SASH1: variants seen among roughly 807,000 people sequenced by gnomAD.
The protein encoded by SASH1 is SAM and SH3 domain-containing protein 1.
SASH1 carries 44 observed loss-of-function variants against 125.2 expected under a neutral mutation model. The ratio of observed to expected loss-of-function variants is 0.35; its 90% CI spans 0.28 to 0.45. The LOEUF (loss-of-function observed/expected upper bound fraction) is 0.45, where lower values mean the gene tolerates loss of function less well. SASH1 is among the 20% of genes least tolerant of loss of function. SASH1 has a pLI of 1.00. For missense variants in SASH1, 1,426 were observed against 1,614.5 expected (o/e 0.88, Z 2.00); for synonymous variants, 639 against 649.1 (o/e 0.98, Z 0.24).
intron 7 of SASH1, among the ~76,000 whole-genome samples, chr6:148,483,590 G>A (rs182567412): frequency 8.3e-4 from 126 of 152,318 alleles, no homozygotes; most frequent in Admixed American, 5.9e-3. Flanking sequence ...TCCAAAGGGA[G>A]TGGGGAGCCC....
At chr6:148,354,033 C>T (rs1781835877) in intron 1 of SASH1, among the ~76,000 whole-genome samples, 1 of 151,994 alleles carries the variant, frequency 6.6e-6, no homozygotes, top group Non-Finnish European at 1.5e-5. Context: ...AGTAACCAGG[C>T]ATGGACCTGT....
rs76777647 is a variant in SASH1 at position 148,452,299 on chromosome 6, C to T, written c.386+11892C>T. 8.4e-3 allele frequency among the ~76,000 whole-genome samples: 1,279 copies of T among 152,310 alleles called. 18 individuals carry two copies. The highest frequency in any genetic ancestry group is 0.029 in the African/African-American group (1,220 of 41,562). On this transcript the variant is annotated intron_variant, in intron 4 of 19. Transcript: ENST00000367467. The stretch of plus-strand genomic sequence containing the variant: ...GGGCCAGGTCACTGGCCAGGAGGCT[C>T]GTCCATCTGTGACTTGTCCTCTTTG...
chr6:148,517,605 G>A (rs188182881), intron 9 of SASH1, among the ~76,000 whole-genome samples: 1 of 152,314 alleles, frequency 6.6e-6, no homozygotes, highest in Non-Finnish European at 1.5e-5. Flanking sequence ...CACTACAGGA[G>A]GCCTGCCCTC....
chr6:148,527,179 A>G (rs1781227933), intron 11 of SASH1: 1 of 296,584 alleles, frequency 3.4e-6, no homozygotes, highest in Non-Finnish European at 6.1e-6. Flanking sequence ...CTTGGATGTT[A>G]AAAATAGTGG....
the SASH1 span, among the ~76,000 whole-genome samples, chr6:148,221,634 A>C: frequency 6.6e-6 from 1 of 152,342 alleles, no homozygotes; most frequent in Admixed American, 6.5e-5. Flanking sequence ...TGTAACTTCC[A>C]AGGCTGATTT....
the SASH1 span, among the ~76,000 whole-genome samples, chr6:148,208,783 A>C: frequency 6.6e-6 from 1 of 152,180 alleles, no homozygotes; most frequent in Non-Finnish European, 1.5e-5. Context: ...CATCTTTGAC[A>C]TGGGAATAAA....
chr6:148,365,822 A>G (rs55794510), intron 1 of SASH1, among the ~76,000 whole-genome samples: 1 of 152,008 alleles, frequency 6.6e-6, no homozygotes, highest in Non-Finnish European at 1.5e-5. Context: ...AAAAAAAAAT[A>G]CAAAAATTAG....
the SASH1 span, among the ~76,000 whole-genome samples, chr6:148,217,400 A>C: frequency 6.6e-6 from 1 of 152,292 alleles, no homozygotes; most frequent in Non-Finnish European, 1.5e-5. Flanking sequence ...ACACTCCATA[A>C]CCCAGTGGCA....
the SASH1 span, among the ~76,000 whole-genome samples, chr6:148,248,135 C>A: frequency 9.2e-5 from 14 of 152,188 alleles, no homozygotes; most frequent in Admixed American, 3.9e-4. Flanking sequence ...CTTTTACAAT[C>A]CTCCAAACTG....
chr6:148,207,566 T>C, the SASH1 span, among the ~76,000 whole-genome samples: 2 of 152,148 alleles, frequency 1.3e-5, no homozygotes, highest in African/African-American at 4.8e-5. Context: ...AAGAAGGCCC[T>C]GGGAGGAGGT....
chr6:148,514,808 G>C (rs916037497), intron 9 of SASH1, among the ~76,000 whole-genome samples: 3 of 152,158 alleles, frequency 2.0e-5, no homozygotes, highest in Non-Finnish European at 4.4e-5. Context: ...TCCCAGAAAG[G>C]ACTATGGTTC....
At chr6:148,448,697 A>G (rs1487650048) in intron 4 of SASH1, among the ~76,000 whole-genome samples, 1 of 152,116 alleles carries the variant, frequency 6.6e-6, no homozygotes, top group East Asian at 1.9e-4. Context: ...TTAGGTACTC[A>G]TTGTAGATTT....
At chr6:148,235,130 C>T in the SASH1 span, among the ~76,000 whole-genome samples, 1 of 152,098 alleles carries the variant, frequency 6.6e-6, no homozygotes, top group South Asian at 2.1e-4. Flanking sequence ...GGAGCACTTG[C>T]GTCATAACGT....
In SASH1 at chr6:148,325,102, G is replaced by T. The variant is rs184548443; in HGVS notation, n.74+52725G>T. Among the ~76,000 whole-genome samples, 95 of 152,274 alleles carry T rather than the reference G, an allele frequency of 6.2e-4. 1 individual carries two copies. Among genetic ancestry groups the T allele is most frequent in the African/African-American group, 2.2e-3 (91 of 41,552 alleles). On this transcript the variant is annotated intron_variant and non_coding_transcript_variant, in intron 1 of 3. Coordinates refer to the SASH1 transcript ENST00000367469. ...CTGCTATAAAGAACTACCCTAGACT[G>T]GGTAATTTATAAAGAAAAGAGGTTT...
At chr6:148,241,992 G>A in the SASH1 span, among the ~76,000 whole-genome samples, 28,785 of 152,068 alleles carry the variant, frequency 0.19, 2,826 homozygotes, top group East Asian at 0.35. Context: ...TTATTACTTT[G>A]ATCTTCTTAT....
At chr6:148,303,042 G>A (rs537612410) in intron 1 of SASH1, among the ~76,000 whole-genome samples, 14 of 152,070 alleles carry the variant, frequency 9.2e-5, no homozygotes, top group African/African-American at 2.2e-4. Context: ...GTGCAATGGC[G>A]CGATCTCAGC....
chr6:148,260,606 T>TA, the SASH1 span, among the ~76,000 whole-genome samples: 3,348 of 131,112 alleles, frequency 0.026, 111 homozygotes, highest in African/African-American at 0.075. Flanking sequence ...ACCCTGTCTT[T>TA]AAAAAAAAAA....
At chr6:148,341,295 T>A (rs1007620051), upstream of SASH1, among the ~76,000 whole-genome samples, 36 of 150,996 alleles carry the variant, frequency 2.4e-4, no homozygotes, top group Non-Finnish European at 4.7e-4. Context: ...ACAGGCATGT[T>A]CCAACACTCT....
intron 15 of SASH1, among the ~76,000 whole-genome samples, chr6:148,534,408 T>C (rs1250861073): frequency 6.6e-6 from 1 of 152,172 alleles, no homozygotes; most frequent in African/African-American, 2.4e-5. Context: ...AAAAGCTGGA[T>C]TTTAATAGCT....
Sources: gnomAD v4.1 joint callset for allele counts (sites outside exome capture counted in the v4.1 genomes callset) on GRCh38, gnomAD v4.1.1 for gene constraint, MANE v1.5 for transcripts, NCBI Gene and HGNC (gene_info 2026-07-23, HGNC 2026-07-21) for gene names.